CCDC60: variants seen among roughly 807,000 people sequenced by gnomAD.
CCDC60 encodes the protein coiled-coil domain containing 60, also known as coiled-coil domain-containing protein 60.
Under a neutral mutation model 63.5 loss-of-function variants are expected in CCDC60, and 54 were observed. That is an observed-to-expected ratio of 0.85 (90% CI 0.68 to 1.07). The LOEUF (loss-of-function observed/expected upper bound fraction) is 1.07, where lower values mean the gene tolerates loss of function less well. Ranked by LOEUF, CCDC60 falls within the 50% of genes least tolerant of loss-of-function variation. The pLI, the probability that CCDC60 is intolerant of heterozygous loss-of-function variation, is 0.00. For synonymous variants in CCDC60, 206 were observed against 238.8 expected, an observed-to-expected ratio of 0.86 and a Z score of 1.27; for missense variants, 651 against 684.3, an observed-to-expected ratio of 0.95 and a Z score of 0.54.
intron 1 of CCDC60, among the ~76,000 whole-genome samples, chr12:119,370,332 G>A (rs1338406538): frequency 3.3e-5 from 5 of 152,184 alleles, no homozygotes; most frequent in African/African-American, 1.2e-4. Flanking sequence ...TTCCACATCC[G>A]GGACTATGGC....
At chr12:119,373,956 G>T (rs568119065) in intron 1 of CCDC60, among the ~76,000 whole-genome samples, 1 of 151,992 alleles carries the variant, frequency 6.6e-6, no homozygotes, top group Non-Finnish European at 1.5e-5. Flanking sequence ...GGCAAGAAAG[G>T]TTTCTTTGAA....
intron 2 of CCDC60, among the ~76,000 whole-genome samples, chr12:119,468,046 G>A (rs535604494): frequency 1.4e-3 from 208 of 152,010 alleles, no homozygotes; most frequent in Middle Eastern, 3.4e-3. Context: ...AGGCCGAGGT[G>A]GGTGGGTCAT....
At chr12:119,447,370 G>A (rs941510325) in intron 2 of CCDC60, among the ~76,000 whole-genome samples, 1 of 152,278 alleles carries the variant, frequency 6.6e-6, no homozygotes, top group East Asian at 1.9e-4. Flanking sequence ...CTAAGGAGTT[G>A]TGGGTCTCCA....
intron 2 of CCDC60, among the ~76,000 whole-genome samples, chr12:119,465,741 G>C (rs1490979146): frequency 7.2e-6 from 1 of 139,342 alleles, no homozygotes; most frequent in Non-Finnish European, 1.5e-5. Context: ...CTCAGTGACA[G>C]AGTGAGACTT....
At chr12:119,418,731 G>A (rs1189766374) in intron 1 of CCDC60, among the ~76,000 whole-genome samples, 3 of 152,072 alleles carry the variant, frequency 2.0e-5, no homozygotes, top group Non-Finnish European at 4.4e-5. Context: ...TAAAGTTCAT[G>A]TGCAGATGTC....
intron 12 of CCDC60, 63 bp from the exon 13 acceptor site, chr12:119,530,811 T>G: frequency 5.0e-6 from 7 of 1,393,692 alleles, no homozygotes; most frequent in Non-Finnish European, 7.0e-6. Flanking sequence ...TGGAGATGGA[T>G]GGCCAGAGGT....
rs137874186 is a variant in CCDC60 at position 119,513,668 on chromosome 12, C to T, written c.884-2955C>T. On this transcript the variant is annotated intron_variant, in intron 7 of 13. Coordinates refer to ENST00000327554, the MANE Select transcript of CCDC60 (RefSeq NM_178499.5). ...TTCAGTCAACAATGGACCACATATA[C>T]GACAGTGGTCCCATAAGATTAGAGT... is the stretch of plus-strand genomic sequence containing the variant. 4.3e-3 allele frequency among the ~76,000 whole-genome samples: 662 copies of T among 152,334 alleles called. 2 individuals are homozygous for T. The highest frequency in any genetic ancestry group is 0.014 in the Middle Eastern group (4 of 294).
intron 1 of CCDC60, among the ~76,000 whole-genome samples, chr12:119,363,790 C>A (rs1360785503): frequency 6.6e-6 from 1 of 152,120 alleles, no homozygotes; most frequent in Non-Finnish European, 1.5e-5. Context: ...GCGAAAATAC[C>A]TTTATTTTGC....
At chr12:119,391,302 C>T (rs955531881) in intron 1 of CCDC60, among the ~76,000 whole-genome samples, 1 of 152,222 alleles carries the variant, frequency 6.6e-6, no homozygotes, top group Non-Finnish European at 1.5e-5. Context: ...ATGCCATCCA[C>T]GTCTGGGTGC....
chr12:119,508,565 G>C (rs1952119901), intron 7 of CCDC60, among the ~76,000 whole-genome samples: 1 of 152,134 alleles, frequency 6.6e-6, no homozygotes, highest in Admixed American at 6.5e-5. Context: ...CTGGGATAGA[G>C]AGAGACCGTT....
intron 6 of CCDC60, among the ~76,000 whole-genome samples, chr12:119,503,265 A>G (rs1300005823): frequency 6.6e-6 from 1 of 152,210 alleles, no homozygotes; most frequent in Non-Finnish European, 1.5e-5. Flanking sequence ...AAATGGAAAG[A>G]GGCAACTTCT....
At chr12:119,346,774 C>CTCTT (rs61270891) in intron 1 of CCDC60, among the ~76,000 whole-genome samples, 14,942 of 125,042 alleles carry the variant, frequency 0.12, 1,186 homozygotes, top group East Asian at 0.17. Context: ...ACTCATCTTT[C>CTCTT]TCTTTCTTTC....
intron 2 of CCDC60, among the ~76,000 whole-genome samples, chr12:119,455,300 T>C (rs562600118): frequency 1.3e-5 from 2 of 152,290 alleles, no homozygotes; most frequent in Non-Finnish European, 2.9e-5. Flanking sequence ...GATAGCCTTC[T>C]ACATGCCAGA....
At chr12:119,438,942 A>G (rs2136253207) in intron 2 of CCDC60, among the ~76,000 whole-genome samples, 1 of 152,128 alleles carries the variant, frequency 6.6e-6, no homozygotes, top group South Asian at 2.1e-4. Flanking sequence ...AGATCCTACA[A>G]TGCCTGGAGA....
chr12:119,519,203 C>T (rs552234340), intron 8 of CCDC60, among the ~76,000 whole-genome samples: 11 of 152,132 alleles, frequency 7.2e-5, no homozygotes, highest in South Asian at 2.1e-4. Flanking sequence ...TGCAGAAATC[C>T]CTACAAGCCA....
intron 2 of CCDC60, among the ~76,000 whole-genome samples, chr12:119,436,080 T>C (rs575049077): frequency 2.0e-5 from 3 of 152,320 alleles, no homozygotes; most frequent in East Asian, 1.9e-4. Flanking sequence ...TTCTGCCATA[T>C]TCTTGTGGCC....
At chr12:119,362,113 T>C (rs556023337) in intron 1 of CCDC60, among the ~76,000 whole-genome samples, 1 of 152,362 alleles carries the variant, frequency 6.6e-6, no homozygotes, top group African/African-American at 2.4e-5. Flanking sequence ...ATCTATCTTA[T>C]ATCTATAGCT....
At chr12:119,406,192 GATATATATAT>G (rs144346171) in intron 1 of CCDC60, among the ~76,000 whole-genome samples, 4 of 143,214 alleles carry the variant, frequency 2.8e-5, no homozygotes, top group Non-Finnish European at 4.6e-5. Context: ...TATATATATA[GATATATATAT>G]ATAGAGAGAG....
At chr12:119,340,526 C>T (rs1955520823) in intron 1 of CCDC60, among the ~76,000 whole-genome samples, 1 of 152,054 alleles carries the variant, frequency 6.6e-6, no homozygotes. Context: ...CCTGCCGCCC[C>T]ACCCCCTGCC....
Sources: allele counts gnomAD v4.1 joint callset (sites outside exome capture counted in the v4.1 genomes callset), GRCh38; gene constraint gnomAD v4.1.1; transcripts MANE v1.5; gene names NCBI Gene and HGNC (gene_info 2026-07-23, HGNC 2026-07-21).